Variants in PSD3 observed in about 807,000 individuals in gnomAD.
The protein encoded by PSD3 is PH and SEC7 domain-containing protein 3.
PSD3 carries 49 observed loss-of-function variants against 105.5 expected under a neutral mutation model. That is an observed-to-expected ratio of 0.46 (90% confidence interval 0.37 to 0.59). PSD3 has a LOEUF of 0.59. Ranked by LOEUF, PSD3 falls within the 20% of genes least tolerant of loss-of-function variation. PSD3 has a pLI of 0.00. For missense variants in PSD3, 1,561 were observed against 1,263.8 expected, an observed-to-expected ratio of 1.24 and a Z score of -3.57; for synonymous variants, 557 against 457.8, an observed-to-expected ratio of 1.22 and a Z score of -2.77.
At chr8:18,799,645 G>C (rs1810509792) in intron 7 of PSD3, among the ~76,000 whole-genome samples, 1 of 152,124 alleles carries the variant, frequency 6.6e-6, no homozygotes, top group Admixed American at 6.6e-5. Context: ...TCGGCTTCTA[G>C]GGCTTTGCAC....
At chr8:18,799,123 G>C in intron 8 of PSD3, 172 bp downstream of exon 8, 1 of 604,538 alleles carries the variant, frequency 1.7e-6, no homozygotes, top group Admixed American at 2.8e-5. Context: ...CTCTGTGCTA[G>C]CATGTGAAAT....
At chr8:18,916,096 C>T (rs1820566356) in intron 2 of PSD3, among the ~76,000 whole-genome samples, 1 of 150,324 alleles carries the variant, frequency 6.7e-6, no homozygotes, top group Non-Finnish European at 1.5e-5. Context: ...AACTCCGACT[C>T]AAAAAAAATA....
intron 9 of PSD3, among the ~76,000 whole-genome samples, chr8:18,700,174 A>G (rs1801497704): frequency 6.6e-6 from 1 of 152,206 alleles, no homozygotes; most frequent in Non-Finnish European, 1.5e-5. Flanking sequence ...AACATTAAAG[A>G]TAATATACAA....
chr8:18,763,170 T>G (rs758709245), intron 9 of PSD3: 1 of 406,468 alleles, frequency 2.5e-6, no homozygotes, highest in African/African-American at 2.1e-5. Context: ...ACCAAATTAA[T>G]CTAAAAGTAT....
intron 9 of PSD3, among the ~76,000 whole-genome samples, chr8:18,740,188 T>C (rs945738768): frequency 6.6e-6 from 1 of 152,120 alleles, no homozygotes; most frequent in African/African-American, 2.4e-5. Context: ...AGGTCTGATC[T>C]CCGACTGGCC....
At chr8:18,842,887 C>A (rs1196226703) in intron 4 of PSD3, among the ~76,000 whole-genome samples, 4 of 152,158 alleles carry the variant, frequency 2.6e-5, no homozygotes, top group Non-Finnish European at 5.9e-5. Flanking sequence ...AAGAAGCCTT[C>A]CTCAGAAGTT....
rs532600217 is a variant in PSD3 at position 18,961,947 on chromosome 8, C to T, written c.22-25805G>A. On this transcript the variant is annotated intron_variant, in intron 1 of 15. Transcript: ENST00000327040. ...TGCGAAAACCATGTAAAATCTATGA[C>T]ATCGGCTTTCACTTTGCAAAAATTT... Among the ~76,000 whole-genome samples the T allele has an allele frequency of 1.4e-3, 211 of 152,220 alleles. 2 individuals carry two copies. Among genetic ancestry groups the T allele is most frequent in the Non-Finnish European group, 1.9e-3 (131 of 68,016 alleles).
intron 9 of PSD3, among the ~76,000 whole-genome samples, chr8:18,710,743 G>T (rs538284364): frequency 6.6e-6 from 1 of 151,946 alleles, no homozygotes; most frequent in Non-Finnish European, 1.5e-5. Flanking sequence ...GTGCAGTGGC[G>T]TGATTTAGGC....
intron 9 of PSD3, among the ~76,000 whole-genome samples, chr8:18,743,957 TCTCACCACC>T (rs1439952294): frequency 2.7e-5 from 2 of 73,892 alleles, no homozygotes; most frequent in African/African-American, 9.4e-5. Context: ...AAACTCTGTC[TCTCACCACC>T]ACCACCACCA....
chr8:18,730,267 C>A (rs571641127), intron 9 of PSD3: 1 of 152,214 alleles, frequency 6.6e-6, no homozygotes, highest in Admixed American at 6.5e-5. Flanking sequence ...GAAGGTACCA[C>A]AGCACAATCA....
At chr8:18,636,407 G>T (rs950725564) in intron 10 of PSD3, among the ~76,000 whole-genome samples, 1 of 152,154 alleles carries the variant, frequency 6.6e-6, no homozygotes, top group Non-Finnish European at 1.5e-5. Flanking sequence ...AAGTTAAAAA[G>T]CTAAAATAAC....
intron 1 of PSD3, among the ~76,000 whole-genome samples, chr8:18,977,331 C>G (rs548563658): frequency 2.0e-5 from 3 of 150,946 alleles, no homozygotes; most frequent in African/African-American, 7.3e-5. Context: ...AGCTGTATGG[C>G]TTTGGGAATT....
intron 1 of PSD3, among the ~76,000 whole-genome samples, chr8:19,024,000 T>C (rs968624893): frequency 4.6e-5 from 7 of 152,212 alleles, no homozygotes; most frequent in Non-Finnish European, 1.0e-4. Context: ...TAGCTGCAGC[T>C]GCTTTTCTGT....
chr8:19,006,205 A>G (rs1240997561), intron 1 of PSD3, among the ~76,000 whole-genome samples: 1 of 150,926 alleles, frequency 6.6e-6, no homozygotes, highest in Non-Finnish European at 1.5e-5. Context: ...AGGGAGGAGA[A>G]TCACTTGAAC....
At chr8:18,611,488 G>C (rs1485366558) in intron 11 of PSD3, among the ~76,000 whole-genome samples, 1 of 152,110 alleles carries the variant, frequency 6.6e-6, no homozygotes, top group East Asian at 1.9e-4. Flanking sequence ...CTTCACCTGA[G>C]TGACCTTGGA....
intron 9 of PSD3, among the ~76,000 whole-genome samples, chr8:18,757,626 T>G (rs947793415): frequency 5.9e-5 from 9 of 152,186 alleles, no homozygotes; most frequent in Non-Finnish European, 1.3e-4. Context: ...ACTTAATATA[T>G]TTCCTTCAAT....
intron 1 of PSD3, among the ~76,000 whole-genome samples, chr8:19,029,775 C>T (rs1244444881): frequency 2.6e-5 from 4 of 152,118 alleles, no homozygotes; most frequent in South Asian, 2.1e-4. Context: ...CTTTTTGATG[C>T]TACTGTAAAT....
At chr8:18,577,900 T>C (rs1238075660) in intron 12 of PSD3, among the ~76,000 whole-genome samples, 1 of 152,074 alleles carries the variant, frequency 6.6e-6, no homozygotes, top group East Asian at 1.9e-4. Context: ...CTCTCTCCTC[T>C]CATACCTTTG....
intron 1 of PSD3, among the ~76,000 whole-genome samples, chr8:19,057,242 C>G (rs544618775): frequency 3.9e-4 from 59 of 152,262 alleles, no homozygotes; most frequent in African/African-American, 1.3e-3. Context: ...AATTTCTCTA[C>G]TCTTGTTCAT....
Sources: allele counts gnomAD v4.1 joint callset (sites outside exome capture counted in the v4.1 genomes callset), GRCh38; gene constraint gnomAD v4.1.1; transcripts MANE v1.5; gene names NCBI Gene and HGNC (gene_info 2026-07-23, HGNC 2026-07-21).